FAM227B: variants seen among roughly 807,000 people sequenced by gnomAD.
The protein encoded by FAM227B is family with sequence similarity 227 member B.
FAM227B carries 88 observed loss-of-function variants against 73.8 expected under a neutral mutation model. That is an observed-to-expected ratio of 1.19 (90% CI 1.00 to 1.42). The LOEUF is 1.42. Ranked by LOEUF, FAM227B falls within the 40% of genes most tolerant of loss-of-function variation. The pLI is 0.00. For synonymous variants in FAM227B, 210 were observed against 190.5 expected (o/e 1.10, Z -0.84); for missense variants, 632 against 590.9 (o/e 1.07, Z -0.72).
chr15:49,535,245 AC>A (rs1313145849), intron 10 of FAM227B, among the ~76,000 whole-genome samples: 2 of 151,718 alleles, frequency 1.3e-5, no homozygotes, highest in Non-Finnish European at 3.0e-5. Context: ...TGGAGACGTT[AC>A]AAGAGATACC....
At chr15:49,361,770 T>C (rs1267975781) in intron 13 of FAM227B, among the ~76,000 whole-genome samples, 2 of 152,074 alleles carry the variant, frequency 1.3e-5, no homozygotes, top group African/African-American at 2.4e-5. Flanking sequence ...TCAGTAATAG[T>C]ATTGCTGAGT....
At chr15:49,383,542 G>A (rs2046676327) in intron 11 of FAM227B, among the ~76,000 whole-genome samples, 1 of 151,892 alleles carries the variant, frequency 6.6e-6, no homozygotes, top group South Asian at 2.1e-4. Flanking sequence ...TTATTGCAAT[G>A]GTCTTACACA....
intron 1 of FAM227B, among the ~76,000 whole-genome samples, chr15:49,617,480 G>A (rs550466125): frequency 9.2e-5 from 14 of 151,908 alleles, no homozygotes; most frequent in Non-Finnish European, 1.6e-4. Flanking sequence ...CTAGAAACTA[G>A]AACAAAAATG....
intron 11 of FAM227B, among the ~76,000 whole-genome samples, chr15:49,429,688 C>T (rs1270524392): frequency 6.6e-6 from 1 of 151,852 alleles, no homozygotes; most frequent in African/African-American, 2.4e-5. Context: ...ATGCCAGTTT[C>T]CACCCACAAA....
intron 11 of FAM227B, among the ~76,000 whole-genome samples, chr15:49,464,870 T>C (rs2054124448): frequency 6.6e-6 from 1 of 152,142 alleles, no homozygotes; most frequent in Non-Finnish European, 1.5e-5. Context: ...CATCCTGCAA[T>C]TAGAATGAAT....
intron 11 of FAM227B, chr15:49,424,285 G>A: frequency 6.2e-7 from 1 of 1,606,636 alleles, no homozygotes; most frequent in Non-Finnish European, 8.5e-7. Context: ...AACACCCGGA[G>A]CACTACACTA....
intron 11 of FAM227B, among the ~76,000 whole-genome samples, chr15:49,426,204 G>A (rs2050119691): frequency 6.6e-6 from 1 of 151,744 alleles, no homozygotes; most frequent in Non-Finnish European, 1.5e-5. Flanking sequence ...TGTGGGATAG[G>A]TACAGATGAT....
intron 11 of FAM227B, among the ~76,000 whole-genome samples, chr15:49,393,286 G>A (rs575323079): frequency 4.3e-4 from 65 of 152,162 alleles, no homozygotes; most frequent in African/African-American, 1.5e-3. Flanking sequence ...GGAGGGTGCT[G>A]TGGTTCACCC....
intron 10 of FAM227B, among the ~76,000 whole-genome samples, chr15:49,525,879 A>G (rs1345436609): frequency 1.3e-5 from 2 of 151,628 alleles, no homozygotes; most frequent in East Asian, 3.9e-4. Context: ...TATGAAGCCA[A>G]CAATGGAGCA....
Position 49,327,864 on chromosome 15 carries a change from T to A in FAM227B, c.*704A>T. 7.9e-7 allele frequency: 1 copy of A among 1,271,912 alleles called. No homozygotes were observed. Among genetic ancestry groups the A allele is most frequent in the African/African-American group, 1.5e-5 (1 of 67,170 alleles). The allele number at this position is 1,271,912 out of a possible 1,614,324, so 78.8% of individuals were successfully genotyped here. A position where few individuals can be genotyped will look rare whatever the true frequency, so the allele number is the denominator to read the frequency against. ...CCCGCATGTATTTTCTTCTTAGAAC[T>A]TAGATAGGCTATGTGTTCTACAAAC... On this transcript the variant is annotated 3_prime_UTR_variant, in exon 16 of 16. Coordinates refer to ENST00000299338, the MANE Select transcript of FAM227B (RefSeq NM_152647.3).
At chr15:49,562,060 G>T (rs1243668851) in intron 9 of FAM227B, among the ~76,000 whole-genome samples, 1 of 151,762 alleles carries the variant, frequency 6.6e-6, no homozygotes, top group Non-Finnish European at 1.5e-5. Flanking sequence ...CAAGCCAAAA[G>T]CTGATTCTTT....
intron 11 of FAM227B, among the ~76,000 whole-genome samples, chr15:49,425,994 TG>T (rs1217088977): frequency 4.0e-5 from 6 of 151,514 alleles, no homozygotes; most frequent in Non-Finnish European, 5.9e-5. Flanking sequence ...AGATTTATCA[TG>T]GATAATATCA....
chr15:49,346,161 A>T (rs1346319504), intron 13 of FAM227B, among the ~76,000 whole-genome samples: 2 of 151,608 alleles, frequency 1.3e-5, no homozygotes, highest in Non-Finnish European at 2.9e-5. Flanking sequence ...CCAAAACAAC[A>T]CTTCCGTTGT....
At chr15:49,562,690 G>A (rs2074352434) in intron 9 of FAM227B, among the ~76,000 whole-genome samples, 1 of 152,086 alleles carries the variant, frequency 6.6e-6, no homozygotes. Context: ...TGCAAGGTTG[G>A]TTCAGCGTAC....
intron 13 of FAM227B, among the ~76,000 whole-genome samples, chr15:49,363,919 A>ATTGAT (rs1441303997): frequency 6.6e-6 from 1 of 152,160 alleles, no homozygotes; most frequent in East Asian, 1.9e-4. Context: ...AATCACATTT[A>ATTGAT]TTGATTTGCA....
intron 11 of FAM227B, among the ~76,000 whole-genome samples, chr15:49,453,857 C>T (rs2053013320): frequency 1.3e-5 from 2 of 152,140 alleles, no homozygotes; most frequent in Admixed American, 1.3e-4. Flanking sequence ...TTACCTTATA[C>T]ATTTTACATA....
At chr15:49,382,817 CT>C (rs2046629122) in intron 11 of FAM227B, among the ~76,000 whole-genome samples, 2 of 152,092 alleles carry the variant, frequency 1.3e-5, no homozygotes, top group African/African-American at 2.4e-5. Flanking sequence ...AGAAAAGACT[CT>C]ATGGGTAGCT....
rs1355898351 is a variant in FAM227B at position 49,550,350 on chromosome 15, C to T, written c.748-8544G>A. On this transcript the variant is annotated intron_variant, in intron 9 of 15. Transcript: ENST00000299338. ...GGGCGGCGGGCTGACCCCCCCACCT[C>T]CCTCCCGGACGGGGCGGCTGGCCTG... Among the ~76,000 whole-genome samples the T allele has an allele frequency of 1.5e-3, 221 of 148,260 alleles. 1 individual carries two copies. Among genetic ancestry groups the T allele is most frequent in the African/African-American group, 5.3e-3 (213 of 40,156 alleles).
At chr15:49,341,414 C>T (rs1351884746) in intron 13 of FAM227B, among the ~76,000 whole-genome samples, 2 of 152,074 alleles carry the variant, frequency 1.3e-5, no homozygotes, top group Non-Finnish European at 2.9e-5. Context: ...TTGTTTGTGT[C>T]ACCTATGATT....
Sources: allele counts gnomAD v4.1 joint callset (sites outside exome capture counted in the v4.1 genomes callset), GRCh38; gene constraint gnomAD v4.1.1; transcripts MANE v1.5; gene names NCBI Gene and HGNC (gene_info 2026-07-23, HGNC 2026-07-21).